GALNTL6: variants seen among roughly 807,000 people sequenced by gnomAD.
GALNTL6 encodes the protein polypeptide N-acetylgalactosaminyltransferase like 6.
A neutral mutation model predicts 73.7 loss-of-function variants in GALNTL6; 46 were observed. The ratio of observed to expected loss-of-function variants is 0.62; its 90% CI spans 0.49 to 0.80. The LOEUF is 0.80. Ranked by LOEUF, GALNTL6 falls within the 30% of genes least tolerant of loss-of-function variation. GALNTL6 has a pLI of 0.00. For synonymous variants in GALNTL6, 259 were observed against 263.7 expected, an observed-to-expected ratio of 0.98 and a Z score of 0.17; for missense variants, 604 against 755.0, an observed-to-expected ratio of 0.80 and a Z score of 2.34.
At chr4:171,878,930 G>GT (rs1736359589) in intron 2 of GALNTL6, among the ~76,000 whole-genome samples, 1 of 152,084 alleles carries the variant, frequency 6.6e-6, no homozygotes, top group Admixed American at 6.6e-5. Flanking sequence ...TATGTAAAAC[G>GT]TGTCTATTTC....
chr4:172,180,715 C>G (rs928075044), intron 2 of GALNTL6, among the ~76,000 whole-genome samples: 3 of 152,120 alleles, frequency 2.0e-5, no homozygotes, highest in African/African-American at 7.2e-5. Context: ...AACCCTTTCC[C>G]CATTGCTTGT....
intron 5 of GALNTL6, among the ~76,000 whole-genome samples, chr4:172,682,514 T>C (rs978186376): frequency 1.3e-5 from 2 of 152,184 alleles, no homozygotes; most frequent in African/African-American, 4.8e-5. Flanking sequence ...GGTTTTTAGA[T>C]AAAATGACAG....
intron 11 of GALNTL6, among the ~76,000 whole-genome samples, chr4:173,021,089 A>G (rs201731000): frequency 6.9e-6 from 1 of 145,838 alleles, no homozygotes; most frequent in Non-Finnish European, 1.5e-5. Flanking sequence ...AACAAACAAA[A>G]AAAGACTTTA....
intron 2 of GALNTL6, among the ~76,000 whole-genome samples, chr4:171,987,742 T>C (rs4261948): frequency 0.58 from 88,493 of 151,978 alleles, 27,261 homozygotes; most frequent in South Asian, 0.82. Flanking sequence ...TAGCCTGCCT[T>C]TGCTGGTGTG....
At chr4:172,153,414 T>A (rs1579189420) in intron 2 of GALNTL6, among the ~76,000 whole-genome samples, 1 of 152,330 alleles carries the variant, frequency 6.6e-6, no homozygotes, top group African/African-American at 2.4e-5. Flanking sequence ...GGATTTTAAT[T>A]TGAATTAACA....
chr4:172,052,629 C>T (rs1407440267), intron 2 of GALNTL6: 9 of 678,684 alleles, frequency 1.3e-5, no homozygotes, highest in African/African-American at 5.4e-5. Context: ...TTTAGGGTCA[C>T]GTAGTCTCAC....
At chr4:171,835,916 A>G (rs1366018284) in intron 2 of GALNTL6, among the ~76,000 whole-genome samples, 1 of 152,054 alleles carries the variant, frequency 6.6e-6, no homozygotes, top group Non-Finnish European at 1.5e-5. Flanking sequence ...TATTTTTTAA[A>G]TGTTATTGTA....
intron 10 of GALNTL6, among the ~76,000 whole-genome samples, chr4:172,978,216 T>G (rs1426801418): frequency 6.6e-6 from 1 of 152,210 alleles, no homozygotes; most frequent in African/African-American, 2.4e-5. Flanking sequence ...TTACTGGATA[T>G]AGCTTTGCTT....
At chr4:172,633,437 A>G (rs1579265901) in intron 5 of GALNTL6, among the ~76,000 whole-genome samples, 1 of 152,212 alleles carries the variant, frequency 6.6e-6, no homozygotes. Context: ...TGGGGCTGGT[A>G]GCCCCTTCAT....
At chr4:172,971,565 G>A (rs1017850839) in intron 10 of GALNTL6, among the ~76,000 whole-genome samples, 16 of 152,156 alleles carry the variant, frequency 1.1e-4, no homozygotes, top group African/African-American at 1.7e-4. Context: ...GCTGATTGTC[G>A]CATAGGCATT....
intron 2 of GALNTL6, among the ~76,000 whole-genome samples, chr4:171,893,523 T>A (rs1736819700): frequency 6.6e-6 from 1 of 152,180 alleles, no homozygotes; most frequent in Non-Finnish European, 1.5e-5. Flanking sequence ...TAATTTTTTG[T>A]CACGTATTTT....
At chr4:171,999,311 G>A (rs188255716) in intron 2 of GALNTL6, among the ~76,000 whole-genome samples, 36 of 152,216 alleles carry the variant, frequency 2.4e-4, no homozygotes, top group East Asian at 1.2e-3. Flanking sequence ...TGTAACTTGC[G>A]TTTAAATTTT....
intron 4 of GALNTL6, among the ~76,000 whole-genome samples, chr4:172,315,811 C>T (rs1022216997): frequency 6.6e-6 from 1 of 151,954 alleles, no homozygotes; most frequent in African/African-American, 2.4e-5. Flanking sequence ...AAGGTTTTCT[C>T]CACTTGTGTA....
intron 8 of GALNTL6, among the ~76,000 whole-genome samples, chr4:172,930,093 A>G (rs1748250295): frequency 6.6e-6 from 1 of 152,178 alleles, no homozygotes; most frequent in Admixed American, 6.5e-5. Context: ...CCTGGCCAAC[A>G]TGGTGAAACC....
intron 2 of GALNTL6, among the ~76,000 whole-genome samples, chr4:172,038,610 C>T (rs1235424442): frequency 6.6e-6 from 1 of 152,130 alleles, no homozygotes; most frequent in Admixed American, 6.6e-5. Flanking sequence ...AATAGATATG[C>T]ATCACGATCC....
intron 5 of GALNTL6, among the ~76,000 whole-genome samples, chr4:172,500,581 T>A (rs868575489): frequency 1.1e-4 from 16 of 152,102 alleles, no homozygotes; most frequent in Non-Finnish European, 1.9e-4. Context: ...ATAATTTTTT[T>A]AAAATCTACC....
chr4:172,229,112 A>G (rs1736966084), intron 2 of GALNTL6, among the ~76,000 whole-genome samples: 1 of 152,152 alleles, frequency 6.6e-6, no homozygotes, highest in Non-Finnish European at 1.5e-5. Flanking sequence ...TCCTCAGTTT[A>G]CTCGGCAGAA....
intron 2 of GALNTL6, among the ~76,000 whole-genome samples, chr4:171,999,815 AT>A (rs1229353505): frequency 6.6e-5 from 10 of 152,144 alleles, no homozygotes; most frequent in Admixed American, 6.6e-4. Context: ...TTTTGCAAAT[AT>A]TTTTGTACTT....
intron 5 of GALNTL6, among the ~76,000 whole-genome samples, chr4:172,519,962 A>G (rs1734723896): frequency 6.6e-6 from 1 of 151,904 alleles, no homozygotes; most frequent in Non-Finnish European, 1.5e-5. Flanking sequence ...CTTTTCAGTA[A>G]AAGGATTAGC....
Sources: gnomAD v4.1 joint callset for allele counts (sites outside exome capture counted in the v4.1 genomes callset) on GRCh38, gnomAD v4.1.1 for gene constraint, MANE v1.5 for transcripts, NCBI Gene and HGNC (gene_info 2026-07-23, HGNC 2026-07-21) for gene names.